Variants in ZNF609 observed in about 807,000 individuals in gnomAD.
ZNF609 encodes the protein zinc finger protein 609.
In ZNF609, 11 loss-of-function variants were observed where a neutral mutation model predicts 109.5. The ratio of observed to expected loss-of-function variants is 0.10; its 90% CI spans 0.06 to 0.17. The LOEUF is 0.17. Ranked by LOEUF, ZNF609 falls within the 10% of genes least tolerant of loss-of-function variation. ZNF609 has a pLI of 1.00. For missense variants in ZNF609, 1,559 were observed against 1,772.4 expected (o/e 0.88, Z 2.16); for synonymous variants, 646 against 662.0 (o/e 0.98, Z 0.37).
chr15:64,600,980 A>G (rs1471031418), intron 2 of ZNF609, among the ~76,000 whole-genome samples: 3 of 152,094 alleles, frequency 2.0e-5, no homozygotes, highest in Non-Finnish European at 4.4e-5. Context: ...TTATGATGCA[A>G]CTTATGCAGT....
chr15:64,470,908 T>G (rs1345814570), intron 1 of ZNF609, among the ~76,000 whole-genome samples: 1 of 152,218 alleles, frequency 6.6e-6, no homozygotes, highest in African/African-American at 2.4e-5. Flanking sequence ...TTCAGTTAAT[T>G]ATTTGATCTG....
chr15:64,498,673 T>G (rs184848348), intron 1 of ZNF609, among the ~76,000 whole-genome samples: 106 of 152,216 alleles, frequency 7.0e-4, no homozygotes, highest in African/African-American at 2.3e-3. Flanking sequence ...ATTGGTTGAG[T>G]CCCCTCTGAG....
At chr15:64,592,036 C>T (rs1051736801) in intron 2 of ZNF609, among the ~76,000 whole-genome samples, 1 of 151,918 alleles carries the variant, frequency 6.6e-6, no homozygotes, top group African/African-American at 2.4e-5. Flanking sequence ...TGGAATGTGC[C>T]TGTGGTCTCA....
intron 2 of ZNF609, among the ~76,000 whole-genome samples, chr15:64,512,546 C>A (rs2140358762): frequency 6.6e-6 from 1 of 152,216 alleles, no homozygotes; most frequent in East Asian, 1.9e-4. Context: ...AGACCTTATT[C>A]CTGAGTCTGC....
chr15:64,475,639 C>T (rs909070760), intron 1 of ZNF609, among the ~76,000 whole-genome samples: 3 of 152,096 alleles, frequency 2.0e-5, no homozygotes, highest in African/African-American at 7.2e-5. Context: ...GATCCACCTG[C>T]CTTGGCCTCC....
At chr15:64,676,504 C>T (rs1438323630) in intron 5 of ZNF609, among the ~76,000 whole-genome samples, 1 of 152,112 alleles carries the variant, frequency 6.6e-6, no homozygotes, top group Non-Finnish European at 1.5e-5. Flanking sequence ...AATCTTGGCT[C>T]ACTACAACCT....
chr15:64,487,147 GATTA>G (rs1005980777), intron 1 of ZNF609, among the ~76,000 whole-genome samples: 1 of 151,736 alleles, frequency 6.6e-6, no homozygotes, highest in Non-Finnish European at 1.5e-5. Flanking sequence ...CCCTATTTCT[GATTA>G]ATTTTTTTCA....
intron 2 of ZNF609, among the ~76,000 whole-genome samples, chr15:64,520,246 GT>G (rs1893872339): frequency 6.6e-6 from 1 of 152,114 alleles, no homozygotes; most frequent in Admixed American, 6.5e-5. Context: ...ATTCTTTGTT[GT>G]TGGGGTGGTC....
intron 2 of ZNF609, among the ~76,000 whole-genome samples, chr15:64,598,341 C>T (rs1895432775): frequency 6.6e-6 from 1 of 152,122 alleles, no homozygotes; most frequent in African/African-American, 2.4e-5. Flanking sequence ...GTCTCAGACT[C>T]CTGGCCTCAA....
chr15:64,568,035 C>T (rs999442202), intron 2 of ZNF609, among the ~76,000 whole-genome samples: 1 of 151,876 alleles, frequency 6.6e-6, no homozygotes, highest in African/African-American at 2.4e-5. Flanking sequence ...AAATGATCAC[C>T]CACCACCTAG....
At chr15:64,495,820 A>ATTTTT in intron 1 of ZNF609, among the ~76,000 whole-genome samples, 1 of 136,660 alleles carries the variant, frequency 7.3e-6, no homozygotes, top group Non-Finnish European at 1.6e-5. Flanking sequence ...TTAACCTGTT[A>ATTTTT]TCTTTTTTTT....
At chr15:64,558,960 G>A (rs920276415) in intron 2 of ZNF609, among the ~76,000 whole-genome samples, 1 of 151,348 alleles carries the variant, frequency 6.6e-6, no homozygotes, top group African/African-American at 2.4e-5. Flanking sequence ...AAGAAGTTAT[G>A]ATTTTTCTCA....
chr15:64,678,611 AC>A (rs1287234775), intron 6 of ZNF609, 129 bp downstream of exon 6: 63 of 1,325,350 alleles, frequency 4.8e-5, no homozygotes, highest in Non-Finnish European at 6.4e-5. Flanking sequence ...ACCTTTTTTC[AC>A]TGAGTCATTC....
chr15:64,507,021 A>G (rs972409438), intron 2 of ZNF609, among the ~76,000 whole-genome samples: 2 of 152,170 alleles, frequency 1.3e-5, no homozygotes, highest in Non-Finnish European at 2.9e-5. Context: ...AAAGCCCCTG[A>G]TAATTATAGT....
At chr15:64,619,494 T>G (rs2140969576) in intron 2 of ZNF609, among the ~76,000 whole-genome samples, 2 of 152,368 alleles carry the variant, frequency 1.3e-5, no homozygotes, top group African/African-American at 4.8e-5. Flanking sequence ...GAGCTGTAAT[T>G]AAATACTATT....
chr15:64,529,515 T>C, intron 2 of ZNF609: 1 of 1,145,724 alleles, frequency 8.7e-7, no homozygotes, highest in Non-Finnish European at 1.3e-6. Context: ...ATTTGCCATG[T>C]GTAGAATCAT....
At chr15:64,668,223 CA>C (rs765639888) in intron 3 of ZNF609, among the ~76,000 whole-genome samples, 3 of 152,032 alleles carry the variant, frequency 2.0e-5, no homozygotes, top group Non-Finnish European at 2.9e-5. Flanking sequence ...CAATAAAAAC[CA>C]GGACTTCCAC....
intron 3 of ZNF609, among the ~76,000 whole-genome samples, chr15:64,627,201 A>C (rs1056333499): frequency 6.6e-6 from 1 of 151,966 alleles, no homozygotes; most frequent in Non-Finnish European, 1.5e-5. Context: ...CAAAAAAAAA[A>C]CAAAAAAAAA....
At chr15:64,463,503 G>A (rs917419033) in intron 1 of ZNF609, among the ~76,000 whole-genome samples, 12 of 152,214 alleles carry the variant, frequency 7.9e-5, no homozygotes, top group Non-Finnish European at 1.8e-4. Context: ...CTCATTGTGA[G>A]TGGGGAATTG....
Sources: allele counts gnomAD v4.1 joint callset (sites outside exome capture counted in the v4.1 genomes callset), GRCh38; gene constraint gnomAD v4.1.1; transcripts MANE v1.5; gene names NCBI Gene and HGNC (gene_info 2026-07-23, HGNC 2026-07-21).